The following ATP8A2 variants were observed in gnomAD, a reference collection of about 807,000 sequenced individuals.
ATP8A2 encodes ATPase phospholipid transporting 8A2.
In ATP8A2, 100 loss-of-function variants were observed where a neutral mutation model predicts 165.6. The ratio of observed to expected loss-of-function variants is 0.60; its 90% CI spans 0.51 to 0.71. The LOEUF (loss-of-function observed/expected upper bound fraction) is 0.71, where lower values mean the gene tolerates loss of function less well. Ranked by LOEUF, ATP8A2 falls within the 30% of genes least tolerant of loss-of-function variation. The pLI is 0.00. For synonymous variants in ATP8A2, 543 were observed against 548.8 expected (o/e 0.99, Z 0.15); for missense variants, 1,227 against 1,479.5 (o/e 0.83, Z 2.80).
chr13:26,015,226 G>A (rs1956941974), intron 36 of ATP8A2, among the ~76,000 whole-genome samples: 1 of 152,208 alleles, frequency 6.6e-6, no homozygotes, highest in Admixed American at 6.5e-5. Flanking sequence ...ACCAGAACCT[G>A]ATGGATAACT....
rs979669102 is a variant in ATP8A2, at chr13:25,582,446, G to A, written c.2146+489G>A. Among the ~76,000 whole-genome samples, 3 of 152,358 alleles carry A rather than the reference G, an allele frequency of 2.0e-5. No homozygotes were observed. The South Asian group carries it at 6.2e-4, about 32-fold the overall frequency. ...AATTGAAGAAAAGGAATTTAAGTCA[G>A]GATAACTCTGCCGTTGTTAAAGGAG... On this transcript the variant is annotated intron_variant, in intron 23 of 36. Transcript: ENST00000381655.
chr13:25,876,814 TC>T (rs1047852720), intron 33 of ATP8A2, among the ~76,000 whole-genome samples: 6 of 152,200 alleles, frequency 3.9e-5, no homozygotes, highest in Admixed American at 1.3e-4. Context: ...AAAGAATTTT[TC>T]CACTATTCAA....
chr13:25,640,194 C>T (rs1356341216), intron 24 of ATP8A2, among the ~76,000 whole-genome samples: 1 of 152,072 alleles, frequency 6.6e-6, no homozygotes, highest in African/African-American at 2.4e-5. Flanking sequence ...ATTAAAAGAA[C>T]TAGAGAAACA....
intron 33 of ATP8A2, among the ~76,000 whole-genome samples, chr13:25,951,282 G>A (rs1012566108): frequency 1.3e-5 from 2 of 152,154 alleles, no homozygotes; most frequent in Non-Finnish European, 2.9e-5. Flanking sequence ...TGATCTATTC[G>A]TGCAATGGAA....
At chr13:25,522,043 CTG>C (rs150110714) in intron 2 of ATP8A2, among the ~76,000 whole-genome samples, 9,698 of 152,186 alleles carry the variant, frequency 0.064, 399 homozygotes, top group South Asian at 0.13. Flanking sequence ...TATATTGAAT[CTG>C]TCATTTGCTT....
At chr13:25,387,870 C>G (rs1447844196) in intron 1 of ATP8A2, among the ~76,000 whole-genome samples, 2 of 151,936 alleles carry the variant, frequency 1.3e-5, no homozygotes, top group Non-Finnish European at 2.9e-5. Context: ...TTGAGACCAG[C>G]CTGGACAACA....
Position 25,750,200 on chromosome 13 carries a change from C to T in ATP8A2, c.2385-18846C>T, listed in dbSNP as rs532850265. 2.6e-5 allele frequency among the ~76,000 whole-genome samples: 4 copies of T among 152,246 alleles called. No homozygotes were observed. Among genetic ancestry groups the T allele is most frequent in the East Asian group, 3.9e-4 (2 of 5,178 alleles). On this transcript the variant is annotated intron_variant, in intron 25 of 36. Transcript: ENST00000381655. This position sits in a 1 kb window ranked among gnomAD's most constrained non-coding sequence, Gnocchi z 4.3. ...TCCCTGAAGGGTCACTGGTCCAGTT[C>T]GTGTGGAAGACAGGCCGGTGTCCAG...
intron 27 of ATP8A2, among the ~76,000 whole-genome samples, chr13:25,807,279 CTT>C (rs1385598110): frequency 1.3e-5 from 2 of 151,870 alleles, no homozygotes; most frequent in Non-Finnish European, 2.9e-5. Flanking sequence ...GGTCAAAAAA[CTT>C]TACTCCATTT....
chr13:25,518,635 T>C (rs1275755307), intron 2 of ATP8A2, among the ~76,000 whole-genome samples: 1 of 152,162 alleles, frequency 6.6e-6, no homozygotes, highest in Non-Finnish European at 1.5e-5. Context: ...AGAACAGCTG[T>C]CAACTTCAAT....
At chr13:25,679,928 G>A (rs1276439788) in intron 24 of ATP8A2, among the ~76,000 whole-genome samples, 2 of 152,206 alleles carry the variant, frequency 1.3e-5, no homozygotes, top group Non-Finnish European at 2.9e-5. Flanking sequence ...TGAAGTTCAA[G>A]GTAGTTGGAG....
chr13:25,459,967 C>T (rs1256741347), intron 1 of ATP8A2, among the ~76,000 whole-genome samples: 4 of 152,004 alleles, frequency 2.6e-5, no homozygotes, highest in African/African-American at 4.8e-5. Flanking sequence ...TTTGGGAGGC[C>T]GAGGTGGGCG....
chr13:25,817,700 G>C (rs879434890), intron 27 of ATP8A2, among the ~76,000 whole-genome samples: 1 of 146,470 alleles, frequency 6.8e-6, no homozygotes, highest in East Asian at 2.0e-4. Flanking sequence ...TTTTTGTTTT[G>C]TTTTTTGTTT....
At chr13:25,498,928 C>T (rs1313681456) in intron 2 of ATP8A2, among the ~76,000 whole-genome samples, 1 of 152,098 alleles carries the variant, frequency 6.6e-6, no homozygotes, top group East Asian at 1.9e-4. Flanking sequence ...GATACTGAGT[C>T]CTGTACCCAG....
At chr13:25,496,695 G>A (rs191673529) in intron 2 of ATP8A2, among the ~76,000 whole-genome samples, 170 of 152,214 alleles carry the variant, frequency 1.1e-3, no homozygotes, top group African/African-American at 3.9e-3. Context: ...CAGGTGCTCT[G>A]ATCTCTAATA....
intron 19 of ATP8A2, among the ~76,000 whole-genome samples, chr13:25,576,699 C>T (rs1258401152): frequency 6.6e-6 from 1 of 152,128 alleles, no homozygotes; most frequent in South Asian, 2.1e-4. Flanking sequence ...TCCCACTTTC[C>T]TACCTACTGG....
intron 2 of ATP8A2, among the ~76,000 whole-genome samples, chr13:25,512,585 T>G (rs1420550964): frequency 8.0e-6 from 1 of 125,168 alleles, no homozygotes; most frequent in African/African-American, 3.1e-5. Context: ...TAGGGGCGGC[T>G]GGGCAGAGGC....
Position 25,592,331 on chromosome 13 carries a change from T to A in ATP8A2, c.2211+2632T>A, listed in dbSNP as rs190215259. Among the ~76,000 whole-genome samples, 40 of 152,362 alleles carry A rather than the reference T, an allele frequency of 2.6e-4. No homozygotes were observed. In the East Asian group the frequency reaches 6.0e-3, roughly 23 times the overall value. On this transcript the variant is annotated intron_variant, in intron 24 of 36. Transcript: ENST00000381655. ...GGCATCTCCACCTTCAAGACCTTGCTTTGCACATATTATGCACTCAGTAAA... is the reference window on the plus strand; with the variant it reads ...GGCATCTCCACCTTCAAGACCTTGCATTGCACATATTATGCACTCAGTAAA...
intron 25 of ATP8A2, among the ~76,000 whole-genome samples, chr13:25,728,810 C>T (rs1001494964): frequency 5.3e-5 from 8 of 152,088 alleles, no homozygotes; most frequent in African/African-American, 1.9e-4. Flanking sequence ...TCCTGAGTGA[C>T]GGGAAAATTT....
chr13:25,685,061 T>A (rs1006015048), intron 24 of ATP8A2, among the ~76,000 whole-genome samples: 5 of 152,198 alleles, frequency 3.3e-5, no homozygotes, highest in Admixed American at 6.5e-5. Flanking sequence ...AATTGACTCC[T>A]CCTGCTTGTG....
Sources: allele counts gnomAD v4.1 joint callset (sites outside exome capture counted in the v4.1 genomes callset), GRCh38; gene constraint gnomAD v4.1.1; non-coding constraint Gnocchi (gnomAD v3.1); transcripts MANE v1.5; gene names NCBI Gene and HGNC (gene_info 2026-07-23, HGNC 2026-07-21).